SLIT2: variants seen among roughly 807,000 people sequenced by gnomAD.
SLIT2 encodes the protein slit guidance ligand 2.
SLIT2 carries 41 observed loss-of-function variants against 185.7 expected under a neutral mutation model. The ratio of observed to expected loss-of-function variants is 0.22; its 90% CI spans 0.17 to 0.29. The LOEUF (loss-of-function observed/expected upper bound fraction) is 0.29, where lower values mean the gene tolerates loss of function less well. Ranked by LOEUF, SLIT2 falls within the 10% of genes least tolerant of loss-of-function variation. The probability of loss-of-function intolerance (pLI) is 1.00; values close to 1 mark genes in which losing one functional copy is unlikely to be tolerated. For missense variants in SLIT2, 1,571 were observed against 1,909.0 expected (o/e 0.82, Z 3.30); for synonymous variants, 693 against 680.2 (o/e 1.02, Z -0.29).
intron 4 of SLIT2, among the ~76,000 whole-genome samples, chr4:20,455,439 C>A (rs1712957221): frequency 1.3e-5 from 2 of 151,914 alleles, no homozygotes; most frequent in South Asian, 2.1e-4. Flanking sequence ...AAATATTAGA[C>A]CAAATACAAA....
At chr4:20,264,356 G>A (rs1236025390) in intron 3 of SLIT2, among the ~76,000 whole-genome samples, 1 of 151,630 alleles carries the variant, frequency 6.6e-6, no homozygotes, top group African/African-American at 2.4e-5. Context: ...AGGCTTTGAG[G>A]CAGCATTTAT....
At chr4:20,579,336 C>G (rs144179672) in intron 29 of SLIT2, among the ~76,000 whole-genome samples, 51 of 151,222 alleles carry the variant, frequency 3.4e-4, no homozygotes, top group African/African-American at 1.1e-3. Flanking sequence ...AACAATTCTT[C>G]AAAACTTTCC....
intron 4 of SLIT2, among the ~76,000 whole-genome samples, chr4:20,358,197 G>A (rs988349213): frequency 1.3e-5 from 2 of 152,034 alleles, no homozygotes; most frequent in Admixed American, 1.3e-4. Context: ...TAGATTACTG[G>A]ATCTGCTTCT....
chr4:20,538,503 G>A (rs1722507371), intron 18 of SLIT2, among the ~76,000 whole-genome samples: 1 of 152,066 alleles, frequency 6.6e-6, no homozygotes, highest in Non-Finnish European at 1.5e-5. Flanking sequence ...GTGACACTTT[G>A]TTTCTTTATT....
At chr4:20,490,419 A>T (rs1157904809) in intron 8 of SLIT2, among the ~76,000 whole-genome samples, 1 of 151,738 alleles carries the variant, frequency 6.6e-6, no homozygotes, top group Non-Finnish European at 1.5e-5. Flanking sequence ...ATAGTATCTT[A>T]TTTGTATATG....
chr4:20,404,666 A>G lies in SLIT2; in HGVS notation c.396-63086A>G, dbSNP rs1726628932. On this transcript the variant is annotated intron_variant, in intron 4 of 36. Transcript: ENST00000504154. The stretch of plus-strand genomic sequence containing the variant: ...ATGAACAAGGGGAAATCTTGCCCAG[A>G]AAACCTAGAATTATTAGAAATCCTT... Among the ~76,000 whole-genome samples the G allele has an allele frequency of 2.0e-5, 3 of 152,166 alleles. No homozygotes were observed. In the South Asian group the frequency reaches 6.2e-4, roughly 32 times the overall value.
intron 4 of SLIT2, among the ~76,000 whole-genome samples, chr4:20,336,835 A>C (rs1260230201): frequency 6.6e-6 from 1 of 152,166 alleles, no homozygotes; most frequent in African/African-American, 2.4e-5. Flanking sequence ...CCCAGTCATT[A>C]CCATGGTCAT....
chr4:20,581,369 A>G (rs1379363530), intron 29 of SLIT2, among the ~76,000 whole-genome samples: 2 of 152,176 alleles, frequency 1.3e-5, no homozygotes, highest in Non-Finnish European at 2.9e-5. Context: ...ATAAGGTCAC[A>G]ACCTGGGGTA....
chr4:20,543,911 A>G lies in SLIT2; in HGVS notation c.2276+1285A>G, dbSNP rs538362528. Among the ~76,000 whole-genome samples, 199 of 152,168 alleles carry G rather than the reference A, an allele frequency of 1.3e-3. 1 individual carries two copies. Among genetic ancestry groups the G allele is most frequent in the African/African-American group, 4.6e-3 (193 of 41,514 alleles). ...TTTAATTCTTATAGTAATGTTTTTT[A>G]TTTCAGAAGATCACATAGGGATATT... On this transcript the variant is annotated intron_variant, in intron 21 of 36. Transcript: ENST00000504154.
At chr4:20,424,875 A>G (rs1043616304) in intron 4 of SLIT2, among the ~76,000 whole-genome samples, 4 of 152,146 alleles carry the variant, frequency 2.6e-5, no homozygotes, top group Non-Finnish European at 5.9e-5. Context: ...CAAATTTTAA[A>G]GTAACAATGA....
chr4:20,568,023 C>T (rs34830832), intron 28 of SLIT2, among the ~76,000 whole-genome samples: 21,037 of 151,988 alleles, frequency 0.14, 1,978 homozygotes, highest in Non-Finnish European at 0.21. Context: ...CCCACTGAAA[C>T]AGAAAATTAA....
At chr4:20,378,987 A>T (rs1724258094) in intron 4 of SLIT2, among the ~76,000 whole-genome samples, 1 of 152,192 alleles carries the variant, frequency 6.6e-6, no homozygotes, top group Non-Finnish European at 1.5e-5. Context: ...AATTAATCTG[A>T]AAAGGCTACA....
intron 5 of SLIT2, among the ~76,000 whole-genome samples, chr4:20,476,267 G>A (rs1377333329): frequency 2.0e-5 from 3 of 152,016 alleles, no homozygotes; most frequent in South Asian, 2.1e-4. Flanking sequence ...AAGAGACCAC[G>A]CTCATATATG....
At chr4:20,416,274 T>C (rs1727677252) in intron 4 of SLIT2, among the ~76,000 whole-genome samples, 2 of 152,322 alleles carry the variant, frequency 1.3e-5, no homozygotes, top group African/African-American at 4.8e-5. Flanking sequence ...TGGTTTGACA[T>C]CGGGTTCCTG....
chr4:20,485,126 C>A (rs1717089769), intron 6 of SLIT2, among the ~76,000 whole-genome samples: 1 of 152,226 alleles, frequency 6.6e-6, no homozygotes, highest in African/African-American at 2.4e-5. Context: ...CTCTCCCAGT[C>A]TTAGAATTGC....
chr4:20,363,725 TA>T (rs1038573687), intron 4 of SLIT2, among the ~76,000 whole-genome samples: 1 of 151,850 alleles, frequency 6.6e-6, no homozygotes, highest in Non-Finnish European at 1.5e-5. Flanking sequence ...AGGTTATGAA[TA>T]AAAAAAATCA....
intron 26 of SLIT2, among the ~76,000 whole-genome samples, chr4:20,558,730 T>C (rs1170281914): frequency 2.0e-5 from 3 of 151,922 alleles, no homozygotes; most frequent in African/African-American, 7.3e-5. Context: ...ATACTTAATG[T>C]AGCATGAATG....
intron 4 of SLIT2, among the ~76,000 whole-genome samples, chr4:20,287,722 C>CG (rs1715395195): frequency 1.3e-5 from 2 of 152,126 alleles, no homozygotes; most frequent in Non-Finnish European, 2.9e-5. Flanking sequence ...GAGTATATCC[C>CG]TATCTCTCTC....
At chr4:20,498,854 T>C (rs546874541) in intron 9 of SLIT2, among the ~76,000 whole-genome samples, 1 of 152,334 alleles carries the variant, frequency 6.6e-6, no homozygotes, top group African/African-American at 2.4e-5. Context: ...GGCTTTGCTA[T>C]TGTGAATACT....
Sources: gnomAD v4.1 joint callset for allele counts (sites outside exome capture counted in the v4.1 genomes callset) on GRCh38, gnomAD v4.1.1 for gene constraint, MANE v1.5 for transcripts, NCBI Gene and HGNC (gene_info 2026-07-23, HGNC 2026-07-21) for gene names.